Variants in ADAM12 observed in about 807,000 individuals in gnomAD.
ADAM12 encodes ADAM metallopeptidase domain 12.
A neutral mutation model predicts 106.4 loss-of-function variants in ADAM12; 70 were observed. The ratio of observed to expected loss-of-function variants is 0.66; its 90% confidence interval spans 0.54 to 0.80. The LOEUF (loss-of-function observed/expected upper bound fraction) is 0.80, where lower values mean the gene tolerates loss of function less well. ADAM12 is among the 30% of genes least tolerant of loss of function. ADAM12 has a pLI of 0.00. For synonymous variants in ADAM12, 420 were observed against 433.5 expected, an observed-to-expected ratio of 0.97 and a Z score of 0.39; for missense variants, 1,010 against 1,171.9, an observed-to-expected ratio of 0.86 and a Z score of 2.02.
chr10:126,388,134 G>A lies in ADAM12; in HGVS notation c.12C>T (p.Arg4=), dbSNP rs764932329. 13 of 1,216,506 alleles carry A rather than the reference G, an allele frequency of 1.1e-5. No homozygotes were observed. In the African/African-American group the frequency reaches 1.9e-4, roughly 18 times the overall value. 75.4% of individuals were successfully genotyped at this position (1,216,506 alleles called of 1,614,324 possible). A position where few individuals can be genotyped will look rare whatever the true frequency, so the allele number is the denominator to read the frequency against. The change falls in exon 1 of 23, where the codon CGC becomes CGT. Residue 4 remains arginine (R), a synonymous_variant. Coordinates refer to ENST00000448723, the MANE Select transcript of ADAM12 (RefSeq NM_001288973.2). The surrounding 1 kb of genome is among the most constrained non-coding windows in gnomAD (Gnocchi z 4.4). MAA[R]PLPVSPARAL... ...CGCGGGCGGGGGACACGGGCAGCGG[G>A]CGCGCTGCCATCGTCGCCGGCCTTC...
At chr10:126,140,820 C>T (rs1253733303) in intron 4 of ADAM12, among the ~76,000 whole-genome samples, 2 of 152,166 alleles carry the variant, frequency 1.3e-5, no homozygotes, top group Non-Finnish European at 1.5e-5. Flanking sequence ...GTTGTCACAC[C>T]ATGCATCACG....
At chr10:126,062,865 C>T (rs904894799) in intron 14 of ADAM12, among the ~76,000 whole-genome samples, 17 of 152,308 alleles carry the variant, frequency 1.1e-4, no homozygotes, top group East Asian at 3.9e-4. Flanking sequence ...AAGGCTGGGA[C>T]GGGGACGGCA....
rs559585575 is a variant in ADAM12, at chr10:126,279,015, T to C, written c.187-27A>G. 9.7e-5 allele frequency: 153 copies of C among 1,577,112 alleles called. No individual in the cohort carries two copies. In the South Asian group the frequency reaches 1.6e-3, roughly 17 times the overall value. On this transcript the variant is annotated intron_variant, in intron 2 of 22. Coordinates refer to ENST00000448723, the MANE Select transcript of ADAM12 (RefSeq NM_001288973.2). ...TGAAAGATAAACAACAAAAGTCAGTTGAAAAACGCTTGGCTTTGATTTGCA... is the reference window on the plus strand; with the variant it reads ...TGAAAGATAAACAACAAAAGTCAGTCGAAAAACGCTTGGCTTTGATTTGCA...
chr10:126,274,686 G>A (rs1439553369), intron 3 of ADAM12, among the ~76,000 whole-genome samples: 1 of 152,118 alleles, frequency 6.6e-6, no homozygotes, highest in South Asian at 2.1e-4. Flanking sequence ...TGTGGGCCAG[G>A]ACAAGGCCAT....
chr10:126,062,713 C>T (rs189586199), intron 14 of ADAM12, among the ~76,000 whole-genome samples: 25 of 152,286 alleles, frequency 1.6e-4, no homozygotes, highest in African/African-American at 5.5e-4. Context: ...GCCAGCTGTT[C>T]GAATACGGCA....
At chr10:126,110,924 TAC>T (rs1249091293) in intron 6 of ADAM12, among the ~76,000 whole-genome samples, 1 of 152,194 alleles carries the variant, frequency 6.6e-6, no homozygotes, top group Non-Finnish European at 1.5e-5. Flanking sequence ...ATGAGTTAAC[TAC>T]ACACACTGCT....
chr10:126,286,422 C>T (rs540094626), intron 2 of ADAM12, among the ~76,000 whole-genome samples: 2 of 152,142 alleles, frequency 1.3e-5, no homozygotes, highest in Admixed American at 1.3e-4. Context: ...ACCATCAATA[C>T]TGGAAGCTCA....
chr10:126,330,478 A>T lies in ADAM12; in HGVS notation c.120T>A (p.Asp40Glu). ...TCCCAACAGAGGCACTGACAACTTC[A>T]TCAGCTCTTCCTTGGTTCCATAAGC... ...GVSLWNQGRA[D>E]EVVSASVGSG... The change falls in exon 2 of 23, where the codon GAT (aspartate) becomes GAA (glutamate). Residue 40 changes from aspartate to glutamate, a missense_variant. Coordinates refer to ENST00000448723, the MANE Select transcript of ADAM12 (RefSeq NM_001288973.2). 1 of 1,613,922 alleles carries T rather than the reference A, an allele frequency of 6.2e-7. No individual in the cohort carries two copies. The highest frequency in any genetic ancestry group is 2.2e-5 in the East Asian group (1 of 44,858).
intron 3 of ADAM12, among the ~76,000 whole-genome samples, chr10:126,245,405 A>G (rs1284318307): frequency 2.6e-5 from 4 of 152,150 alleles, no homozygotes; most frequent in African/African-American, 9.7e-5. Context: ...AATGCGCACA[A>G]TTGGGAACTG....
rs1463927225 is a variant in ADAM12, at chr10:126,176,186, C to T, written c.261-20881G>A. On this transcript the variant is annotated intron_variant, in intron 3 of 22. Coordinates refer to ENST00000448723, the MANE Select transcript of ADAM12 (RefSeq NM_001288973.2). Reference sequence around the variant, plus strand: ...GCACACATAACAACTGCAGAACGATCCCAAGTAAAGAATATTCTCAGGGAC... The same window carrying T: ...GCACACATAACAACTGCAGAACGATTCCAAGTAAAGAATATTCTCAGGGAC... Among the ~76,000 whole-genome samples, 4 of 152,328 alleles carry T rather than the reference C, an allele frequency of 2.6e-5. No homozygotes were observed. In the East Asian group the frequency reaches 5.8e-4, roughly 22 times the overall value.
At chr10:126,315,019 G>C (rs17758801) in intron 2 of ADAM12, among the ~76,000 whole-genome samples, 1 of 152,118 alleles carries the variant, frequency 6.6e-6, no homozygotes, top group African/African-American at 2.4e-5. Context: ...GCAAGGAAAC[G>C]GTAAGCATGC....
chr10:126,072,220 T>G (rs1039398388), intron 11 of ADAM12, among the ~76,000 whole-genome samples: 1 of 152,080 alleles, frequency 6.6e-6, no homozygotes, highest in African/African-American at 2.4e-5. Flanking sequence ...GATCCAGAAA[T>G]GCAGGTCTTA....
chr10:126,026,658 C>G (rs138623136), intron 21 of ADAM12, among the ~76,000 whole-genome samples: 3,133 of 152,250 alleles, frequency 0.021, 109 homozygotes, highest in African/African-American at 0.069. Flanking sequence ...GAACAACCTG[C>G]TCCTGAATGA....
intron 1 of ADAM12, among the ~76,000 whole-genome samples, chr10:126,365,186 G>C (rs561015190): frequency 1.3e-5 from 2 of 152,096 alleles, no homozygotes; most frequent in Non-Finnish European, 2.9e-5. Flanking sequence ...CAAATTCTAT[G>C]ATCAGCTGTG....
At chr10:126,154,298 T>C (rs1956776695) in intron 4 of ADAM12, among the ~76,000 whole-genome samples, 1 of 152,246 alleles carries the variant, frequency 6.6e-6, no homozygotes, top group South Asian at 2.1e-4. Context: ...CAAAAATTCT[T>C]AAATGTTTAT....
intron 1 of ADAM12, among the ~76,000 whole-genome samples, chr10:126,354,548 T>C (rs1855472857): frequency 6.6e-6 from 1 of 152,200 alleles, no homozygotes; most frequent in East Asian, 1.9e-4. Context: ...TTATGTTTCA[T>C]AGTCCTTACT....
At chr10:126,201,892 A>G (rs1957707730) in intron 3 of ADAM12, among the ~76,000 whole-genome samples, 1 of 152,222 alleles carries the variant, frequency 6.6e-6, no homozygotes, top group Admixed American at 6.5e-5. Flanking sequence ...TCGAGCAGAG[A>G]GGCCTGCCCC....
At chr10:126,045,813 G>A (rs11244786) in intron 17 of ADAM12, among the ~76,000 whole-genome samples, 20,112 of 152,140 alleles carry the variant, frequency 0.13, 1,419 homozygotes, top group Middle Eastern at 0.28. Context: ...AACAACAAAA[G>A]TCTTTTTTAA....
intron 2 of ADAM12, among the ~76,000 whole-genome samples, chr10:126,318,599 C>T (rs75836682): frequency 0.059 from 8,952 of 152,192 alleles, 445 homozygotes; most frequent in East Asian, 0.19. Flanking sequence ...CTCTCTCACA[C>T]ACCTTCACAC....
Sources: gnomAD v4.1 joint callset for allele counts (sites outside exome capture counted in the v4.1 genomes callset) on GRCh38, gnomAD v4.1.1 for gene constraint, Gnocchi (gnomAD v3.1) non-coding constraint, MANE v1.5 for transcripts, NCBI Gene and HGNC (gene_info 2026-07-23, HGNC 2026-07-21) for gene names.